SOX5: variants seen among roughly 807,000 people sequenced by gnomAD.
SOX5 encodes the protein SRY-box transcription factor 5.
A neutral mutation model predicts 92.0 loss-of-function variants in SOX5; 9 were observed. The observed-to-expected ratio is 0.10, with a 90% CI of 0.06 to 0.17. The LOEUF (loss-of-function observed/expected upper bound fraction) is 0.17. Among genes scored for constraint, SOX5 ranks in the 10% least tolerant of loss-of-function variants. SOX5 has a pLI of 1.00. For synonymous variants in SOX5, 344 were observed against 336.3 expected (o/e 1.02, Z -0.25); for missense variants, 642 against 944.5 (o/e 0.68, Z 4.20).
rs541649324 is a variant in SOX5, at chr12:24,318,430, G to C, written c.-173-41118C>G. The stretch of plus-strand genomic sequence containing the variant: ...TGCTCATGAGGTAGGCTGAGAGACG[G>C]TACATCTATGACATAGATGAGCCTG... On this transcript the variant is annotated intron_variant, in intron 2 of 4. Transcript: ENST00000446891. 8.5e-5 allele frequency among the ~76,000 whole-genome samples: 13 copies of C among 152,222 alleles called. No individual in the cohort carries two copies. The South Asian group carries it at 2.7e-3, about 32-fold the overall frequency.
At chr12:23,747,206 A>C (rs1185160698) in intron 4 of SOX5, among the ~76,000 whole-genome samples, 1 of 152,072 alleles carries the variant, frequency 6.6e-6, no homozygotes, top group Non-Finnish European at 1.5e-5. Context: ...TCAACCCTAG[A>C]ACATATTATA....
chr12:24,530,989 G>C (rs1225948288), intron 1 of SOX5, among the ~76,000 whole-genome samples: 1 of 152,076 alleles, frequency 6.6e-6, no homozygotes, highest in Non-Finnish European at 1.5e-5. Flanking sequence ...CAAAATTATG[G>C]CCTTTTAAAA....
At chr12:23,691,272 C>A (rs2088745478) in intron 6 of SOX5, among the ~76,000 whole-genome samples, 1 of 152,170 alleles carries the variant, frequency 6.6e-6, no homozygotes, top group African/African-American at 2.4e-5. Flanking sequence ...TTACGTCACA[C>A]TATTATTTTC....
chr12:23,905,788 A>G (rs1026402038), intron 1 of SOX5, among the ~76,000 whole-genome samples: 3 of 152,184 alleles, frequency 2.0e-5, no homozygotes, highest in Non-Finnish European at 4.4e-5. Context: ...ATTGTTTTGA[A>G]AAAAATTATC....
intron 3 of SOX5, among the ~76,000 whole-genome samples, chr12:23,785,047 ACT>A (rs1346337527): frequency 1.3e-5 from 2 of 152,158 alleles, no homozygotes; most frequent in Non-Finnish European, 2.9e-5. Flanking sequence ...GTGCCACTGC[ACT>A]CTAGCCTGGG....
rs554627075 is a variant in SOX5, at chr12:23,943,286, A to G, written c.38+6278T>C. On this transcript the variant is annotated intron_variant, in intron 1 of 14. Transcript: ENST00000451604. ...AAAAAAAAAAATCTCTTTAACTTCA[A>G]TAAAGAACTTTGATCCTTAATGCAA... is the stretch of plus-strand genomic sequence containing the variant. Among the ~76,000 whole-genome samples the G allele has an allele frequency of 7.6e-4, 116 of 152,172 alleles. 2 individuals are homozygous for G. The South Asian group carries it at 0.023, about 30-fold the overall frequency.
intron 1 of SOX5, among the ~76,000 whole-genome samples, chr12:24,371,402 C>T (rs765020084): frequency 5.3e-5 from 8 of 152,218 alleles, no homozygotes; most frequent in Non-Finnish European, 1.0e-4. Context: ...CCTCATGATA[C>T]CCTGAACATA....
chr12:24,260,039 T>A (rs574947402), intron 3 of SOX5, among the ~76,000 whole-genome samples: 15 of 152,256 alleles, frequency 9.9e-5, no homozygotes, highest in African/African-American at 3.4e-4. Context: ...TAGAAATAAA[T>A]ATTTCTTGGA....
intron 11 of SOX5, 23 bp from the exon 12 acceptor site, chr12:23,546,447 G>A: frequency 7.8e-7 from 1 of 1,284,684 alleles, no homozygotes; most frequent in Non-Finnish European, 1.1e-6. Flanking sequence ...TATAATGAGA[G>A]ATCAGTCTAG....
intron 13 of SOX5, among the ~76,000 whole-genome samples, chr12:23,541,588 C>T (rs566164034): frequency 5.9e-5 from 9 of 152,082 alleles, no homozygotes; most frequent in Non-Finnish European, 1.3e-4. Context: ...TGTGTATTTC[C>T]TCTTGATCAG....
At chr12:24,279,523 C>T (rs1944911045) in intron 2 of SOX5, among the ~76,000 whole-genome samples, 1 of 152,004 alleles carries the variant, frequency 6.6e-6, no homozygotes, top group African/African-American at 2.4e-5. Flanking sequence ...GCTGATATCG[C>T]TAATATCACT....
intron 6 of SOX5, among the ~76,000 whole-genome samples, chr12:23,721,706 T>C (rs1003565783): frequency 1.3e-5 from 2 of 152,168 alleles, no homozygotes; most frequent in Non-Finnish European, 2.9e-5. Flanking sequence ...GTCAATTCTA[T>C]GGCATGAGAG....
At chr12:24,124,242 G>C (rs573905943) in intron 4 of SOX5, among the ~76,000 whole-genome samples, 56 of 152,202 alleles carry the variant, frequency 3.7e-4, no homozygotes, top group African/African-American at 1.3e-3. Flanking sequence ...ATTCTTATTG[G>C]TTGATGCAGA....
chr12:23,999,944 A>G (rs1047143730), intron 4 of SOX5, among the ~76,000 whole-genome samples: 2 of 151,944 alleles, frequency 1.3e-5, no homozygotes, highest in Admixed American at 6.6e-5. Context: ...AAAGAAATAA[A>G]GAATGCTATA....
chr12:23,645,855 T>C (rs1258905476), intron 7 of SOX5, among the ~76,000 whole-genome samples: 2 of 152,190 alleles, frequency 1.3e-5, no homozygotes, highest in Non-Finnish European at 2.9e-5. Flanking sequence ...CTTGGAGATA[T>C]TGTAAGTTTG....
intron 1 of SOX5, among the ~76,000 whole-genome samples, chr12:24,500,591 C>G (rs989698782): frequency 2.6e-5 from 4 of 152,126 alleles, no homozygotes; most frequent in Non-Finnish European, 4.4e-5. Context: ...AACTTCTCCC[C>G]CTTCCTTTCA....
rs191360619 is a variant in SOX5 at position 24,476,735 on chromosome 12, C to T, written c.-251+85594G>A. On this transcript the variant is annotated intron_variant, in intron 1 of 4. Coordinates refer to the SOX5 transcript ENST00000446891. The stretch of plus-strand genomic sequence containing the variant: ...AGTGGGAGTTCCTTGAGAGAAGGAA[C>T]AGTGTTTATTCACCTCTGTTTGGTC... Among the ~76,000 whole-genome samples, 111 of 152,188 alleles carry T rather than the reference C, an allele frequency of 7.3e-4. 3 individuals carry two copies. In the South Asian group the frequency reaches 0.019, roughly 26 times the overall value.
chr12:23,628,352 C>A (rs527337607), intron 8 of SOX5, among the ~76,000 whole-genome samples: 37 of 151,962 alleles, frequency 2.4e-4, no homozygotes, highest in Non-Finnish European at 4.9e-4. Context: ...TCTCTGTTAC[C>A]TTAAGCAACT....
intron 1 of SOX5, among the ~76,000 whole-genome samples, chr12:24,526,747 C>A (rs1182994310): frequency 6.6e-6 from 1 of 152,174 alleles, no homozygotes; most frequent in African/African-American, 2.4e-5. Flanking sequence ...ACCACCCCAA[C>A]CAAAGCAGGT....
Sources: gnomAD v4.1 joint callset for allele counts (sites outside exome capture counted in the v4.1 genomes callset) on GRCh38, gnomAD v4.1.1 for gene constraint, MANE v1.5 for transcripts, NCBI Gene and HGNC (gene_info 2026-07-23, HGNC 2026-07-21) for gene names.